DHRSX: variants seen among roughly 807,000 people sequenced by gnomAD.
DHRSX encodes the protein polyprenol dehydrogenase.
In DHRSX, 31 loss-of-function variants were observed where a neutral mutation model predicts 34.0. The ratio of observed to expected loss-of-function variants is 0.91; its 90% confidence interval spans 0.69 to 1.23. The LOEUF is 1.23. Among genes scored for constraint, DHRSX ranks in the 50% most tolerant of loss-of-function variants. DHRSX has a pLI of 0.00. For synonymous variants in DHRSX, 201 were observed against 183.8 expected, an observed-to-expected ratio of 1.09 and a Z score of -0.76; for missense variants, 414 against 428.1, an observed-to-expected ratio of 0.97 and a Z score of 0.29.
intron 1 of DHRSX, among the ~76,000 whole-genome samples, chrX:2,484,201 G>C (rs1320864942): frequency 6.6e-6 from 1 of 152,102 alleles, no homozygotes; most frequent in Non-Finnish European, 1.5e-5. Context: ...TTGAACTCCT[G>C]ACCTCAGGCG....
At chrX:2,474,510 C>T (rs1275590745) in intron 1 of DHRSX, among the ~76,000 whole-genome samples, 2 of 150,984 alleles carry the variant, frequency 1.3e-5, no homozygotes, top group East Asian at 4.0e-4. Flanking sequence ...GGCCAAGGGA[C>T]CACAACGGTG....
At chrX:2,299,927 G>A (rs1310622846) in intron 3 of DHRSX, among the ~76,000 whole-genome samples, 2 of 151,970 alleles carry the variant, frequency 1.3e-5, no homozygotes, top group Non-Finnish European at 2.9e-5. Flanking sequence ...GGGCAAGTCA[G>A]AAATACAGAT....
chrX:2,360,351 A>G (rs765903775), intron 3 of DHRSX, among the ~76,000 whole-genome samples: 12 of 152,266 alleles, frequency 7.9e-5, no homozygotes, highest in South Asian at 6.2e-4. Context: ...TTGGGAGGCC[A>G]AGGTGGGCGG....
intron 3 of DHRSX, among the ~76,000 whole-genome samples, chrX:2,349,755 A>G (rs1449884695): frequency 6.6e-6 from 1 of 152,096 alleles, no homozygotes; most frequent in Admixed American, 6.5e-5. Flanking sequence ...AACGGAAGGT[A>G]ATTGGGCTGA....
At position 2,341,162 on chromosome X, in the gene DHRSX, TAATACAAG is replaced by T. The variant is rs1019703259; in HGVS notation, c.287-49567_287-49560del. 1.1e-4 allele frequency among the ~76,000 whole-genome samples: 16 copies of T among 152,014 alleles called. 2 individuals are homozygous for T. The Admixed American group carries it at 1.1e-3, about 10-fold the overall frequency. ...TTTACTTACACACAGCAGGAAGCCA[TAATACAAG>T]GGGCTCTTTTCCCACCACAGGCATC... is the stretch of plus-strand genomic sequence containing the variant. On this transcript the variant is annotated intron_variant, in intron 3 of 6. Transcript: ENST00000334651.
At chrX:2,323,009 C>T (rs1269081660) in intron 3 of DHRSX, among the ~76,000 whole-genome samples, 1 of 151,756 alleles carries the variant, frequency 6.6e-6, no homozygotes, top group East Asian at 1.9e-4. Flanking sequence ...CTGCAATCTC[C>T]GCCTCCCAGG....
intron 5 of DHRSX, among the ~76,000 whole-genome samples, chrX:2,255,203 TTGAC>T (rs1294562937): frequency 2.6e-5 from 4 of 151,950 alleles, no homozygotes; most frequent in Non-Finnish European, 5.9e-5. Flanking sequence ...AGAGAGGTCT[TTGAC>T]TTTTTCCGCT....
chrX:2,356,773 C>T (rs28727945), intron 3 of DHRSX, among the ~76,000 whole-genome samples: 11 of 152,202 alleles, frequency 7.2e-5, no homozygotes, highest in Non-Finnish European at 1.2e-4. Flanking sequence ...AATGTAGTTT[C>T]TCTTTCTCAT....
intron 3 of DHRSX, among the ~76,000 whole-genome samples, chrX:2,295,471 T>C (rs2041921017): frequency 1.3e-5 from 2 of 152,182 alleles, no homozygotes; most frequent in African/African-American, 4.8e-5. Context: ...AAATACCTAA[T>C]GTAGATGACG....
chrX:2,389,533 C>T (rs1440406741), intron 3 of DHRSX, among the ~76,000 whole-genome samples: 1 of 152,130 alleles, frequency 6.6e-6, no homozygotes, highest in Non-Finnish European at 1.5e-5. Flanking sequence ...GTGTGCTTGG[C>T]GTGCTGGACA....
At chrX:2,373,542 C>T (rs189129363) in intron 3 of DHRSX, among the ~76,000 whole-genome samples, 2 of 152,294 alleles carry the variant, frequency 1.3e-5, no homozygotes, top group African/African-American at 4.8e-5. Context: ...TAACCCTCTA[C>T]ATCCCATGGA....
intron 3 of DHRSX, among the ~76,000 whole-genome samples, chrX:2,384,930 T>A (rs1454861549): frequency 6.4e-4 from 89 of 139,754 alleles, no homozygotes; most frequent in East Asian, 1.7e-3. Flanking sequence ...TAAATAAATT[T>A]AAAAAAAAAA....
chrX:2,457,295 C>G (rs1192053928), intron 1 of DHRSX, among the ~76,000 whole-genome samples: 1 of 146,594 alleles, frequency 6.8e-6, no homozygotes, highest in Admixed American at 6.8e-5. Context: ...AATGTGGCAG[C>G]GGGATGGCCA....
intron 1 of DHRSX, among the ~76,000 whole-genome samples, chrX:2,465,055 TAGGCATATGGCCA>T (rs1375571886): frequency 6.6e-6 from 1 of 151,714 alleles, no homozygotes; most frequent in African/African-American, 2.4e-5. Flanking sequence ...AGACGTTCCC[TAGGCATATGGCCA>T]AGGGACCTCA....
intron 3 of DHRSX, among the ~76,000 whole-genome samples, chrX:2,322,957 T>G (rs1249197027): frequency 2.8e-4 from 43 of 152,064 alleles, no homozygotes; most frequent in Non-Finnish European, 2.1e-4. Context: ...GGAATCTTGC[T>G]CTGTCGCCCA....
intron 1 of DHRSX, among the ~76,000 whole-genome samples, chrX:2,497,867 G>C (rs887683332): frequency 6.6e-6 from 1 of 152,126 alleles, no homozygotes; most frequent in Non-Finnish European, 1.5e-5. Flanking sequence ...CCATATCAAT[G>C]TTCAAGTTTT....
At chrX:2,339,992 A>G (rs772746449) in intron 3 of DHRSX, among the ~76,000 whole-genome samples, 2 of 152,274 alleles carry the variant, frequency 1.3e-5, no homozygotes, top group East Asian at 3.9e-4. Context: ...CCAACAGTGT[A>G]AAACCATTCC....
chrX:2,434,187 G>A (rs2124659665), intron 1 of DHRSX, among the ~76,000 whole-genome samples: 1 of 152,302 alleles, frequency 6.6e-6, no homozygotes, highest in South Asian at 2.1e-4. Context: ...ACAAAGTTCA[G>A]TCTCGCTGAC....
At chrX:2,488,767 G>C (rs1377042363) in intron 1 of DHRSX, 1 of 1,613,880 alleles carries the variant, frequency 6.2e-7, no homozygotes. Flanking sequence ...CCCCACTCCG[G>C]GCGTTCTCAT....
Sources: gnomAD v4.1 joint callset for allele counts (sites outside exome capture counted in the v4.1 genomes callset) on GRCh38, gnomAD v4.1.1 for gene constraint, MANE v1.5 for transcripts, NCBI Gene and HGNC (gene_info 2026-07-23, HGNC 2026-07-21) for gene names.